Variants in COL18A1 observed in about 807,000 individuals in gnomAD.
COL18A1 encodes collagen type XVIII alpha 1 chain, also known as collagen alpha-1(XVIII) chain.
In COL18A1, 133 loss-of-function variants were observed where a neutral mutation model predicts 168.0. The observed-to-expected ratio is 0.79, with a 90% CI of 0.69 to 0.91. The LOEUF (loss-of-function observed/expected upper bound fraction) is 0.91, where lower values mean the gene tolerates loss of function less well. Ranked by LOEUF, COL18A1 falls within the 40% of genes least tolerant of loss-of-function variation. COL18A1 has a pLI of 0.00. For missense variants in COL18A1, 2,126 were observed against 1,925.4 expected (o/e 1.10, Z -1.95); for synonymous variants, 949 against 809.0 (o/e 1.17, Z -2.94).
At chr21:45,501,392 G>T (rs1430036942) in intron 32 of COL18A1, among the ~76,000 whole-genome samples, 1 of 152,116 alleles carries the variant, frequency 6.6e-6, no homozygotes, top group Non-Finnish European at 1.5e-5. Flanking sequence ...CCAGCATCGG[G>T]ACCGGGGTCT....
intron 14 of COL18A1, chr21:45,482,401 C>G (rs765587032): frequency 1.6e-6 from 1 of 615,396 alleles, no homozygotes; most frequent in Non-Finnish European, 3.0e-6. Context: ...CTGCGTCTGG[C>G]CCCCTGGGGA....
rs889552080 is a variant in COL18A1, at chr21:45,474,062, A to G, written c.738+81A>G. ...TTCAGGGCCAAGGTCTATGACAGGAAAAGTCCCAAAATATACCACTTGGGG... is the reference window on the plus strand; with the variant it reads ...TTCAGGGCCAAGGTCTATGACAGGAGAAGTCCCAAAATATACCACTTGGGG... On this transcript the variant is annotated intron_variant, in intron 4 of 41. Coordinates refer to ENST00000651438, the MANE Select transcript of COL18A1 (RefSeq NM_001379500.1). The G allele has an allele frequency of 2.9e-5, 33 of 1,138,020 alleles. No homozygotes were observed. The Middle Eastern group carries it at 5.7e-4, about 20-fold the overall frequency. 70.5% of individuals were successfully genotyped at this position (1,138,020 alleles called of 1,614,324 possible). A position where few individuals can be genotyped will look rare whatever the true frequency, so the allele number is the denominator to read the frequency against.
chr21:45,499,933 T>G (rs896307168), intron 32 of COL18A1, among the ~76,000 whole-genome samples: 1 of 152,168 alleles, frequency 6.6e-6, no homozygotes, highest in Admixed American at 6.6e-5. Context: ...ACAGGTGCTG[T>G]AAGTATGACG....
Position 45,494,932 on chromosome 21 carries a change from T to C in COL18A1, c.2433+17T>C. ...GGACGGCCGGTGAGGACCTGGGGTC[T>C]CCAGTGGGGGCGGCAGATGGGGTCT... On this transcript the variant is annotated intron_variant, in intron 28 of 41. Coordinates refer to ENST00000651438, the MANE Select transcript of COL18A1 (RefSeq NM_001379500.1). The C allele has an allele frequency of 1.2e-6, 2 of 1,607,208 alleles. No individual in the cohort carries two copies. The highest frequency in any genetic ancestry group is 1.7e-6 in the Non-Finnish European group (2 of 1,176,922).
intron 29 of COL18A1, 199 bp downstream of exon 29, chr21:45,495,631 T>C (rs1169993903): frequency 1.2e-5 from 7 of 592,954 alleles, no homozygotes; most frequent in South Asian, 1.8e-5. Context: ...CAAACATGCA[T>C]GCACATATAT....
Position 45,473,424 on chromosome 21 carries a change from G to T in COL18A1, c.652-471G>T, listed in dbSNP as rs1368350219. Among the ~76,000 whole-genome samples, 1 of 152,226 alleles carries T rather than the reference G, an allele frequency of 6.6e-6. No homozygotes were observed. The highest frequency in any genetic ancestry group is 1.9e-4 in the East Asian group (1 of 5,188). ...TCTGGGTTTTGTTTTTGATGAAAAG[G>T]TGAAGTTCAAAGAAAGCAAAGCCAT... On this transcript the variant is annotated intron_variant, in intron 3 of 41. Transcript: ENST00000651438. The surrounding 1 kb of genome is among the most constrained non-coding windows in gnomAD (Gnocchi z 4.0).
chr21:45,475,633 A>G, intron 5 of COL18A1, 98 bp downstream of exon 5: 2 of 1,047,848 alleles, frequency 1.9e-6, no homozygotes, highest in Non-Finnish European at 2.9e-6. Flanking sequence ...TGTGGCTCCA[A>G]GAGCTCCCTC....
intron 29 of COL18A1, chr21:45,496,011 C>T (rs2036528104): frequency 5.6e-6 from 2 of 354,608 alleles, no homozygotes; most frequent in Non-Finnish European, 1.1e-5. Context: ...CATGTGCACC[C>T]ATATACACAC....
chr21:45,438,086 C>T (rs1260089791), intron 2 of COL18A1, among the ~76,000 whole-genome samples: 1 of 116,132 alleles, frequency 8.6e-6, no homozygotes, highest in Non-Finnish European at 1.7e-5. Context: ...AAGCACTCTC[C>T]TGCACACACT....
At chr21:45,468,181 C>T (rs1283455220) in intron 2 of COL18A1, 61 bp from the exon 3 acceptor site, 12 of 1,586,966 alleles carry the variant, frequency 7.6e-6, no homozygotes, top group Admixed American at 5.0e-5. Flanking sequence ...CTCCAGGCCG[C>T]GTCGGTGGCC....
chr21:45,494,803 C>G lies in COL18A1; in HGVS notation c.2380-59C>G. On this transcript the variant is annotated intron_variant, in intron 27 of 41. Transcript: ENST00000651438. ...GCCCCTCCCCTTCCCCAGGACCCCC[C>G]AACTCGTGGTCAAGGGCCAGGGTCT... The G allele has an allele frequency of 2.0e-6, 3 of 1,502,044 alleles. No homozygotes were observed. In the Admixed American group the frequency reaches 5.6e-5, roughly 28 times the overall value. 93.0% of individuals were successfully genotyped at this position (1,502,044 alleles called of 1,614,324 possible). A position where few individuals can be genotyped will look rare whatever the true frequency, so the allele number is the denominator to read the frequency against.
intron 2 of COL18A1, among the ~76,000 whole-genome samples, chr21:45,426,961 C>G (rs926550348): frequency 6.6e-6 from 1 of 152,176 alleles, no homozygotes; most frequent in Non-Finnish European, 1.5e-5. Flanking sequence ...GCTCTCAGGA[C>G]GCAGGGGCTT....
intron 2 of COL18A1, among the ~76,000 whole-genome samples, chr21:45,409,041 T>TGGCTGAGCACAGCCCCCAGGTTGG (rs61006361): frequency 6.6e-6 from 1 of 151,818 alleles, no homozygotes; most frequent in Non-Finnish European, 1.5e-5. Flanking sequence ...AAGCTGGCTG[T>TGGCTGAGCACAGCCCCCAGGTTGG]GGCTGTGTCT....
chr21:45,511,054 CCACACCCATCCACACCCCCACACACCACA>C, intron 40 of COL18A1, 28 bp from the exon 41 acceptor site: 1 of 662,336 alleles, frequency 1.5e-6, no homozygotes, highest in Non-Finnish European at 2.5e-6. Context: ...CCACAAACAC[CCACACCCATCCACACCCCCACACACCACA>C]CACACATACA....
At chr21:45,494,821 C>T in intron 27 of COL18A1, 41 bp from the exon 28 acceptor site, 1 of 1,577,820 alleles carries the variant, frequency 6.3e-7, no homozygotes. Flanking sequence ...GGTCAAGGGC[C>T]AGGGTCTGCC....
chr21:45,500,156 T>G (rs1026550532), intron 32 of COL18A1, among the ~76,000 whole-genome samples: 6 of 142,662 alleles, frequency 4.2e-5, no homozygotes, highest in Admixed American at 2.1e-4. Context: ...TGTGTGCATG[T>G]GGGTGTGTAG....
chr21:45,435,197 G>GT (rs2145791673), intron 2 of COL18A1, among the ~76,000 whole-genome samples: 1 of 148,226 alleles, frequency 6.7e-6, no homozygotes, highest in Non-Finnish European at 1.5e-5. Flanking sequence ...GTCCTGGGAA[G>GT]TGGGTAGGGG....
At chr21:45,494,620 C>T (rs373076022) in intron 27 of COL18A1, 49 bp downstream of exon 27, 10 of 1,611,704 alleles carry the variant, frequency 6.2e-6, no homozygotes, top group Admixed American at 3.3e-5. Context: ...CATGACGGCC[C>T]CCAAGGACAC....
At chr21:45,501,120 G>C (rs1215775664) in intron 32 of COL18A1, among the ~76,000 whole-genome samples, 1 of 150,986 alleles carries the variant, frequency 6.6e-6, no homozygotes, top group African/African-American at 2.4e-5. Context: ...GTGTGTGTGT[G>C]TGTGTGCAAA....
Sources: gnomAD v4.1 joint callset for allele counts (sites outside exome capture counted in the v4.1 genomes callset) on GRCh38, gnomAD v4.1.1 for gene constraint, Gnocchi (gnomAD v3.1) non-coding constraint, MANE v1.5 for transcripts, NCBI Gene and HGNC (gene_info 2026-07-23, HGNC 2026-07-21) for gene names.